Variants in DMD observed in about 807,000 individuals in gnomAD.
DMD encodes mutant dystrophin.
DMD carries 63 observed loss-of-function variants against 330.1 expected under a neutral mutation model. That is an observed-to-expected ratio of 0.19 (90% CI 0.16 to 0.24). DMD has a LOEUF of 0.24. Ranked by LOEUF, DMD falls within the 10% of genes least tolerant of loss-of-function variation. The probability of loss-of-function intolerance (pLI) is 1.00; values close to 1 mark genes in which losing one functional copy is unlikely to be tolerated. For missense variants in DMD, 3,344 were observed against 2,684.1 expected, an observed-to-expected ratio of 1.25 and a Z score of -5.43; for synonymous variants, 1,223 against 959.8, an observed-to-expected ratio of 1.27 and a Z score of -5.07.
intron 55 of DMD, among the ~76,000 whole-genome samples, chrX:31,573,439 C>T (rs1458815640): frequency 5.4e-5 from 6 of 111,502 alleles, no homozygotes; most frequent in Non-Finnish European, 1.1e-4. Context: ...ATGCTAACTT[C>T]TACACTGGGA....
chrX:31,977,770 G>A (rs1603618851), intron 44 of DMD, among the ~76,000 whole-genome samples: 2 of 97,092 alleles, frequency 2.1e-5, no homozygotes, highest in South Asian at 1.1e-3. Flanking sequence ...TGTTGACTGG[G>A]CACGCCCTCT....
At chrX:32,449,085 TAG>T (rs1443124041) in intron 26 of DMD, among the ~76,000 whole-genome samples, 1 of 110,736 alleles carries the variant, frequency 9.0e-6, no homozygotes, top group African/African-American at 3.3e-5. Context: ...ATACTTAACA[TAG>T]AAAGGTCCCC....
intron 9 of DMD, among the ~76,000 whole-genome samples, chrX:32,695,056 A>T (rs749645924): frequency 8.9e-6 from 1 of 112,578 alleles, no homozygotes; most frequent in South Asian, 3.7e-4. Context: ...TTGCATGTTT[A>T]TGTGTCACTT....
At chrX:33,098,777 T>G (rs1302875532) in intron 1 of DMD, among the ~76,000 whole-genome samples, 1 of 111,495 alleles carries the variant, frequency 9.0e-6, no homozygotes, top group Non-Finnish European at 1.9e-5. Flanking sequence ...ACAGGGTCAT[T>G]TATAACCTGA....
intron 62 of DMD, among the ~76,000 whole-genome samples, chrX:31,322,987 T>C (rs917721809): frequency 8.9e-6 from 1 of 112,064 alleles, no homozygotes; most frequent in African/African-American, 3.2e-5. Flanking sequence ...CAATGTATTG[T>C]CATTTATATT....
Position 32,050,974 on chromosome X carries a change from C to CTTTTTT in DMD, c.6439-82466_6439-82461dup, listed in dbSNP as rs761835866. On this transcript the variant is annotated intron_variant, in intron 44 of 78. Transcript: ENST00000357033. ...TTACATTGCCTCAGGCTAACTTCCT[C>CTTTTTT]TTTTTTTTTTTTTCCCCCTAATAGA... Among the ~76,000 whole-genome samples the CTTTTTT allele has an allele frequency of 1.1e-3, 84 of 78,121 alleles. 6 individuals are homozygous for CTTTTTT. Among genetic ancestry groups the CTTTTTT allele is most frequent in the African/African-American group, 4.4e-3 (77 of 17,527 alleles). 67.8% of individuals were successfully genotyped at this position (78,121 alleles called of 115,157 possible). A position where few individuals can be genotyped will look rare whatever the true frequency, so the allele number is the denominator to read the frequency against.
chrX:33,020,054 G>T, intron 2 of DMD, 85 bp downstream of exon 2: 1 of 721,201 alleles, frequency 1.4e-6, no homozygotes, highest in Non-Finnish European at 2.1e-6. Context: ...GAAATAAAAC[G>T]GATTTTTAAG....
At chrX:31,451,783 T>A (rs1365840568) in intron 59 of DMD, among the ~76,000 whole-genome samples, 1 of 110,146 alleles carries the variant, frequency 9.1e-6, no homozygotes, top group African/African-American at 3.3e-5. Flanking sequence ...GTATCACTTA[T>A]GCTTCTGGTA....
chrX:33,107,660 T>C (rs759043665), intron 1 of DMD, among the ~76,000 whole-genome samples: 13 of 111,543 alleles, frequency 1.2e-4, no homozygotes, highest in African/African-American at 1.6e-4. Flanking sequence ...GCATTTATAA[T>C]AGAAATGAGA....
At chrX:32,475,564 T>A (rs1294681061) in intron 21 of DMD, among the ~76,000 whole-genome samples, 1 of 111,362 alleles carries the variant, frequency 9.0e-6, no homozygotes, top group Non-Finnish European at 1.9e-5. Flanking sequence ...TGGAGAGGTC[T>A]TTCGACTCCT....
intron 1 of DMD, among the ~76,000 whole-genome samples, chrX:33,268,784 G>A (rs2148910930): frequency 9.1e-6 from 1 of 109,668 alleles, no homozygotes; most frequent in Non-Finnish European, 1.9e-5. Context: ...AAAATTAGCT[G>A]GGTGTGGTGG....
intron 37 of DMD, among the ~76,000 whole-genome samples, chrX:32,351,807 G>A (rs1490727716): frequency 9.1e-6 from 1 of 110,159 alleles, no homozygotes; most frequent in Non-Finnish European, 1.9e-5. Context: ...ATTAACTGCT[G>A]CCCAAATGCT....
At chrX:33,073,956 A>G (rs2094799776) in intron 1 of DMD, among the ~76,000 whole-genome samples, 1 of 112,314 alleles carries the variant, frequency 8.9e-6, no homozygotes, top group African/African-American at 3.2e-5. Context: ...TTAACAAAAT[A>G]CCATTTTCCC....
chrX:31,131,661 A>G (rs762054032), intron 77 of DMD, among the ~76,000 whole-genome samples: 2 of 111,733 alleles, frequency 1.8e-5, no homozygotes, highest in East Asian at 2.8e-4. Context: ...TCAGCTGAAC[A>G]CATCTACCAA....
chrX:33,258,394 T>C (rs1053221925), intron 1 of DMD, among the ~76,000 whole-genome samples: 12 of 111,551 alleles, frequency 1.1e-4, no homozygotes, highest in Non-Finnish European at 2.3e-4. Flanking sequence ...ATACTTGCAC[T>C]GAAAGCTAAT....
chrX:33,006,356 TG>T (rs2147483822), intron 2 of DMD, among the ~76,000 whole-genome samples: 1 of 111,857 alleles, frequency 8.9e-6, no homozygotes, highest in East Asian at 2.8e-4. Flanking sequence ...TACTATGAAA[TG>T]ACAGTAATCA....
intron 1 of DMD, among the ~76,000 whole-genome samples, chrX:33,023,518 T>C (rs1290923083): frequency 8.9e-6 from 1 of 111,738 alleles, no homozygotes; most frequent in Non-Finnish European, 1.9e-5. Flanking sequence ...ACGGTATTGC[T>C]GCTTTGTTTA....
chrX:31,780,144 T>C (rs753104625), intron 50 of DMD, among the ~76,000 whole-genome samples: 1 of 112,111 alleles, frequency 8.9e-6, no homozygotes, highest in Non-Finnish European at 1.9e-5. Flanking sequence ...CTAAATCTTT[T>C]AAAACACACA....
At chrX:33,095,496 T>C (rs1423480711) in intron 1 of DMD, among the ~76,000 whole-genome samples, 1 of 112,305 alleles carries the variant, frequency 8.9e-6, no homozygotes, top group African/African-American at 3.2e-5. Flanking sequence ...TATTAGTCAT[T>C]GCTCATGTTG....
Sources: allele counts gnomAD v4.1 joint callset (sites outside exome capture counted in the v4.1 genomes callset), GRCh38; gene constraint gnomAD v4.1.1; transcripts MANE v1.5; gene names NCBI Gene and HGNC (gene_info 2026-07-23, HGNC 2026-07-21).